LRP5: variants seen among roughly 807,000 people sequenced by gnomAD.
The protein encoded by LRP5 is low-density lipoprotein receptor-related protein 5.
Under a neutral mutation model 154.1 loss-of-function variants are expected in LRP5, and 62 were observed. The ratio of observed to expected loss-of-function variants is 0.40; its 90% CI spans 0.33 to 0.50. The LOEUF (loss-of-function observed/expected upper bound fraction) is 0.50, where lower values mean the gene tolerates loss of function less well. Among genes scored for constraint, LRP5 ranks in the 20% least tolerant of loss-of-function variants. The probability of loss-of-function intolerance (pLI) is 0.55; values close to 1 mark genes in which losing one functional copy is unlikely to be tolerated. For synonymous variants in LRP5, 966 were observed against 1,011.5 expected (o/e 0.96, Z 0.85); for missense variants, 1,915 against 2,336.7 (o/e 0.82, Z 3.72).
chr11:68,333,531 G>A (rs2098604052), intron 1 of LRP5, among the ~76,000 whole-genome samples: 1 of 152,142 alleles, frequency 6.6e-6, no homozygotes, highest in Non-Finnish European at 1.5e-5. Flanking sequence ...CCCTTGAAGG[G>A]GAGATAGGAC....
At chr11:68,364,091 A>G in intron 4 of LRP5, 148 bp downstream of exon 4, 1 of 592,306 alleles carries the variant, frequency 1.7e-6, no homozygotes, top group Non-Finnish European at 2.8e-6. Flanking sequence ...GCAGAAGCCC[A>G]TGCTCTGGGG....
rs1353406071 is a variant in LRP5, at chr11:68,433,462, C to T, written c.3764-140C>T. The T allele has an allele frequency of 1.2e-5, 9 of 781,568 alleles. 1 individual carries two copies. The highest frequency in any genetic ancestry group is 8.4e-5 in the South Asian group (6 of 71,020). The allele number at this position is 781,568 out of a possible 1,614,324, so 48.4% of individuals were successfully genotyped here. On this transcript the variant is annotated intron_variant, in intron 17 of 22. Coordinates refer to ENST00000294304, the MANE Select transcript of LRP5 (RefSeq NM_002335.4). The stretch of plus-strand genomic sequence containing the variant: ...AGGAGCCGCAGCGATGGAGGATGTG[C>T]GGGTGCAGCACCCCGTACAGCAGGG...
intron 21 of LRP5, 140 bp from the exon 22 acceptor site, chr11:68,446,296 C>T: frequency 5.7e-6 from 4 of 700,964 alleles, no homozygotes; most frequent in Non-Finnish European, 1.0e-5. Context: ...CCAGGTTTTG[C>T]CAACTGGCCA....
At chr11:68,305,650 C>T in the LRP5 span, among the ~76,000 whole-genome samples, 1 of 152,076 alleles carries the variant, frequency 6.6e-6, no homozygotes, top group Non-Finnish European at 1.5e-5. Flanking sequence ...ACCATGTTGT[C>T]CAGGCTGGTC....
intron 5 of LRP5, among the ~76,000 whole-genome samples, chr11:68,373,735 G>A (rs2098635742): frequency 6.6e-6 from 1 of 152,194 alleles, no homozygotes. Flanking sequence ...CCAATTATGT[G>A]GAATGAGCTA....
At position 68,449,172 on chromosome 11, in the gene LRP5, G is replaced by C. The variant is rs1159361855; in HGVS notation, c.*102G>C. 2.9e-6 allele frequency: 3 copies of C among 1,035,414 alleles called. No homozygotes were observed. Among genetic ancestry groups the C allele is most frequent in the Non-Finnish European group, 3.9e-6 (3 of 763,732 alleles). 64.1% of individuals were successfully genotyped at this position (1,035,414 alleles called of 1,614,324 possible). A position where few individuals can be genotyped will look rare whatever the true frequency, so the allele number is the denominator to read the frequency against. On this transcript the variant is annotated 3_prime_UTR_variant, in exon 23 of 23. Transcript: ENST00000294304. Reference sequence around the variant, plus strand: ...ATGATTTAAAAAATAAATATAATTGGGATTTTAAAAACATGAGAAATGTGA... The same window carrying C: ...ATGATTTAAAAAATAAATATAATTGCGATTTTAAAAACATGAGAAATGTGA...
upstream of LRP5, among the ~76,000 whole-genome samples, chr11:68,307,777 C>T (rs1278493829): frequency 6.6e-6 from 1 of 152,100 alleles, no homozygotes; most frequent in African/African-American, 2.4e-5. Flanking sequence ...GTAATCACAC[C>T]ACTGCACTCC....
intron 5 of LRP5, among the ~76,000 whole-genome samples, chr11:68,368,064 C>CAAAAAAAA (rs35969123): frequency 2.1e-5 from 2 of 94,620 alleles, no homozygotes; most frequent in Non-Finnish European, 4.2e-5. Flanking sequence ...GACCCTGTCT[C>CAAAAAAAA]AAAAAAAAAA....
chr11:68,360,142 G>A (rs2098626554), intron 3 of LRP5, among the ~76,000 whole-genome samples: 2 of 152,182 alleles, frequency 1.3e-5, no homozygotes, highest in South Asian at 4.2e-4. Flanking sequence ...CTTCCAAGTA[G>A]CTGAGACCAC....
intron 2 of LRP5, among the ~76,000 whole-genome samples, chr11:68,357,005 T>G (rs2098623677): frequency 6.6e-6 from 1 of 151,790 alleles, no homozygotes; most frequent in Non-Finnish European, 1.5e-5. Context: ...GTGCGATTTC[T>G]GCTCACTGCA....
chr11:68,299,585 C>T, the LRP5 span, among the ~76,000 whole-genome samples: 39 of 115,032 alleles, frequency 3.4e-4, no homozygotes, highest in Admixed American at 8.7e-4. Context: ...AAGGGCCAGT[C>T]TTTTTTTTTT....
At position 68,449,052 on chromosome 11, in the gene LRP5, C is replaced by G; in HGVS notation, c.4830C>G (p.Pro1610=). ...YFHLFPPPPS[P]CTDSS ...ATCTCTTCCCGCCCCCTCCGTCCCC[C>G]TGCACGGACTCATCCTGACCTCGGC... Residue 1610 remains proline, a synonymous_variant, in exon 23 of 23, where the codon CCC becomes CCG. Transcript: ENST00000294304. The G allele has an allele frequency of 3.2e-6, 5 of 1,569,098 alleles. No individual in the cohort carries two copies. Among genetic ancestry groups the G allele is most frequent in the Non-Finnish European group, 3.4e-6 (4 of 1,159,522 alleles).
chr11:68,449,235 C>T lies in LRP5; in HGVS notation c.*165C>T, dbSNP rs1356598680. The T allele has an allele frequency of 2.1e-6, 1 of 485,536 alleles. No individual in the cohort carries two copies. The highest frequency in any genetic ancestry group is 3.5e-6 in the Non-Finnish European group (1 of 288,624). 30.1% of individuals were successfully genotyped at this position (485,536 alleles called of 1,614,324 possible). A position where few individuals can be genotyped will look rare whatever the true frequency, so the allele number is the denominator to read the frequency against. On this transcript the variant is annotated 3_prime_UTR_variant, in exon 23 of 23. Coordinates refer to ENST00000294304, the MANE Select transcript of LRP5 (RefSeq NM_002335.4). Reference sequence around the variant, plus strand: ...TGGGCAGGGCTGGGAGAACTTTGTACAGTGGAGAAATATTTATAAACTTAA... The same window carrying T: ...TGGGCAGGGCTGGGAGAACTTTGTATAGTGGAGAAATATTTATAAACTTAA...
At chr11:68,350,895 T>C (rs1015518595) in intron 2 of LRP5, among the ~76,000 whole-genome samples, 63 of 152,068 alleles carry the variant, frequency 4.1e-4, no homozygotes, top group African/African-American at 1.5e-3. Context: ...TGTGAGCGTG[T>C]GTGTGTGTGT....
Position 68,406,735 on chromosome 11 carries a change from C to T in LRP5, c.2013C>T (p.Leu671=), listed in dbSNP as rs1267421437. 1.2e-6 allele frequency: 2 copies of T among 1,614,048 alleles called. No individual in the cohort carries two copies. The highest frequency in any genetic ancestry group is 2.2e-5 in the East Asian group (1 of 44,904). The change falls in exon 9 of 23, where the codon CTC becomes CTT. Residue 671 remains leucine (L), a synonymous_variant. Coordinates refer to ENST00000294304, the MANE Select transcript of LRP5 (RefSeq NM_002335.4). The part of the protein sequence containing the change: ...ETNNNDVAIP[L]TGVKEASALD... ...ATAACAACGACGTGGCCATCCCGCT[C>T]ACGGGCGTCAAGGAGGCCTCAGCCC...
chr11:68,308,694 C>T (rs1407601897), upstream of LRP5, among the ~76,000 whole-genome samples: 2 of 151,890 alleles, frequency 1.3e-5, no homozygotes, highest in Non-Finnish European at 2.9e-5. Context: ...AGTCAGGCAC[C>T]CTGGGACCTT....
At chr11:68,336,870 TG>T (rs1260480945) in intron 1 of LRP5, among the ~76,000 whole-genome samples, 1 of 152,250 alleles carries the variant, frequency 6.6e-6, no homozygotes, top group East Asian at 1.9e-4. Context: ...TTCATGTTGC[TG>T]GTAACCACTG....
intron 5 of LRP5, among the ~76,000 whole-genome samples, chr11:68,385,030 G>A (rs1249017120): frequency 6.6e-6 from 1 of 152,228 alleles, no homozygotes. Context: ...ACACTGGTGA[G>A]TTAGGCAGGG....
chr11:68,387,446 C>T (rs115367072), intron 6 of LRP5, among the ~76,000 whole-genome samples: 3,041 of 152,288 alleles, frequency 0.02, 114 homozygotes, highest in African/African-American at 0.07. Context: ...CTTTGCACAC[C>T]ATGGGTCTTT....
Sources: allele counts gnomAD v4.1 joint callset (sites outside exome capture counted in the v4.1 genomes callset), GRCh38; gene constraint gnomAD v4.1.1; transcripts MANE v1.5; gene names NCBI Gene and HGNC (gene_info 2026-07-23, HGNC 2026-07-21).